MCC: variants seen among roughly 807,000 people sequenced by gnomAD.
MCC encodes the protein colorectal mutant cancer protein.
MCC carries 90 observed loss-of-function variants against 116.2 expected under a neutral mutation model. That is an observed-to-expected ratio of 0.77 (90% CI 0.65 to 0.92). MCC has a LOEUF of 0.92. Ranked by LOEUF, MCC falls within the 40% of genes least tolerant of loss-of-function variation. The pLI is 0.00. For missense variants in MCC, 1,516 were observed against 1,312.2 expected (o/e 1.16, Z -2.40); for synonymous variants, 578 against 510.5 (o/e 1.13, Z -1.78).
chr5:113,397,716 G>T (rs571724025), intron 1 of MCC, among the ~76,000 whole-genome samples: 1 of 152,052 alleles, frequency 6.6e-6, no homozygotes, highest in Admixed American at 6.5e-5. Flanking sequence ...TTAAGTAGAA[G>T]ACCCACAGCT....
chr5:113,289,297 C>G (rs531708067), intron 3 of MCC, among the ~76,000 whole-genome samples: 1 of 143,374 alleles, frequency 7.0e-6, no homozygotes, highest in African/African-American at 2.7e-5. Flanking sequence ...CCACTGCACT[C>G]TAGCCTGGGT....
intron 11 of MCC, among the ~76,000 whole-genome samples, chr5:113,078,423 AC>A (rs1233067189): frequency 6.6e-6 from 1 of 152,218 alleles, no homozygotes; most frequent in Non-Finnish European, 1.5e-5. Flanking sequence ...ATACTGGCAA[AC>A]CAAATCCAGC....
intron 4 of MCC, among the ~76,000 whole-genome samples, chr5:113,149,572 T>C (rs1018218059): frequency 6.6e-6 from 1 of 152,022 alleles, no homozygotes; most frequent in Non-Finnish European, 1.5e-5. Flanking sequence ...ATACAGAGAA[T>C]CCTTTCCCTC....
chr5:113,468,847 C>A (rs1473204353), intron 1 of MCC, among the ~76,000 whole-genome samples: 1 of 152,142 alleles, frequency 6.6e-6, no homozygotes, highest in Non-Finnish European at 1.5e-5. Context: ...TTGATTATTG[C>A]CTCAATTTCA....
chr5:113,442,348 TG>T (rs1771066282), intron 1 of MCC, among the ~76,000 whole-genome samples: 1 of 152,208 alleles, frequency 6.6e-6, no homozygotes, highest in Non-Finnish European at 1.5e-5. Flanking sequence ...TTGATGGGGT[TG>T]TTTTTTTCTT....
chr5:113,433,982 C>A, intron 1 of MCC: 1 of 1,614,036 alleles, frequency 6.2e-7, no homozygotes, highest in Non-Finnish European at 8.5e-7. Flanking sequence ...TCTCCCCCTC[C>A]TTGTTGATGG....
chr5:113,327,586 A>ATATATATATATAT (rs1561525256), intron 3 of MCC, among the ~76,000 whole-genome samples: 28 of 112,940 alleles, frequency 2.5e-4, no homozygotes, highest in Non-Finnish European at 2.8e-4. Flanking sequence ...ATATATATAT[A>ATATATATATATAT]AAAATCTCAT....
chr5:113,095,569 G>C (rs992550942), intron 8 of MCC, among the ~76,000 whole-genome samples: 1 of 151,982 alleles, frequency 6.6e-6, no homozygotes, highest in African/African-American at 2.4e-5. Flanking sequence ...ACCCAGGTTG[G>C]AGTACAATGG....
chr5:113,412,490 C>T (rs903317035), intron 1 of MCC, among the ~76,000 whole-genome samples: 3 of 152,114 alleles, frequency 2.0e-5, no homozygotes, highest in African/African-American at 7.2e-5. Flanking sequence ...CCTTCACATC[C>T]CTTGTAAGTT....
At chr5:113,470,239 T>G (rs1241629480) in intron 1 of MCC, among the ~76,000 whole-genome samples, 1 of 152,336 alleles carries the variant, frequency 6.6e-6, no homozygotes, top group South Asian at 2.1e-4. Context: ...GTTAGCTGGT[T>G]ATTTTGCTCG....
intron 3 of MCC, among the ~76,000 whole-genome samples, chr5:113,317,757 A>G (rs980101263): frequency 1.3e-5 from 2 of 152,256 alleles, no homozygotes; most frequent in Admixed American, 1.3e-4. Context: ...CATGTCTTCA[A>G]CAATGCCAGT....
chr5:113,087,550 G>A (rs1029530279), intron 8 of MCC, among the ~76,000 whole-genome samples: 5 of 152,192 alleles, frequency 3.3e-5, no homozygotes, highest in Non-Finnish European at 5.9e-5. Flanking sequence ...AAGAGAGAGG[G>A]CTCATTCATT....
chr5:113,346,364 G>A (rs934523903), intron 2 of MCC, among the ~76,000 whole-genome samples: 1 of 152,086 alleles, frequency 6.6e-6, no homozygotes, highest in African/African-American at 2.4e-5. Context: ...TTGGGAGGCC[G>A]AGGTAGGTGG....
chr5:113,028,854 G>A lies in MCC; in HGVS notation c.2879+80C>T. ...AGAGTTAGGGAAATGTCCATCCCTG[G>A]TGCTGTGTCTACATGCAGGGTGTCA... On this transcript the variant is annotated intron_variant, in intron 18 of 18. Transcript: ENST00000408903. 2.0e-6 allele frequency: 3 copies of A among 1,492,476 alleles called. No individual in the cohort carries two copies. In the Middle Eastern group the frequency reaches 6.0e-4, roughly 296 times the overall value. 92.5% of individuals were successfully genotyped at this position (1,492,476 alleles called of 1,614,324 possible). A position where few individuals can be genotyped will look rare whatever the true frequency, so the allele number is the denominator to read the frequency against.
intron 16 of MCC, among the ~76,000 whole-genome samples, chr5:113,047,837 A>AAG (rs1752203674): frequency 6.6e-6 from 1 of 150,550 alleles, no homozygotes; most frequent in Admixed American, 6.6e-5. Flanking sequence ...GGATTCCAGA[A>AAG]AAAAAAAAAA....
intron 5 of MCC, among the ~76,000 whole-genome samples, chr5:113,142,384 G>A (rs927754060): frequency 6.6e-6 from 1 of 151,838 alleles, no homozygotes; most frequent in Non-Finnish European, 1.5e-5. Flanking sequence ...TCTCATCCAC[G>A]GCTTAGTGTC....
chr5:113,395,225 G>A (rs1769495321), intron 1 of MCC, among the ~76,000 whole-genome samples: 1 of 152,116 alleles, frequency 6.6e-6, no homozygotes, highest in South Asian at 2.1e-4. Flanking sequence ...AAACTTTAAT[G>A]CCATTTCTCC....
chr5:113,292,784 T>G (rs1766557873), intron 3 of MCC, among the ~76,000 whole-genome samples: 1 of 152,204 alleles, frequency 6.6e-6, no homozygotes, highest in Non-Finnish European at 1.5e-5. Flanking sequence ...GTGAAGGGCC[T>G]GGCAAAGAGT....
chr5:113,230,756 CTCAGT>C (rs1763910020), intron 3 of MCC, among the ~76,000 whole-genome samples: 2 of 152,118 alleles, frequency 1.3e-5, no homozygotes, highest in Non-Finnish European at 2.9e-5. Context: ...CCATTTTCAC[CTCAGT>C]TATGTGAACC....
Sources: allele counts gnomAD v4.1 joint callset (sites outside exome capture counted in the v4.1 genomes callset), GRCh38; gene constraint gnomAD v4.1.1; transcripts MANE v1.5; gene names NCBI Gene and HGNC (gene_info 2026-07-23, HGNC 2026-07-21).